KLF12: variants seen among roughly 807,000 people sequenced by gnomAD.
KLF12 encodes KLF transcription factor 12.
In KLF12, 9 loss-of-function variants were observed where a neutral mutation model predicts 37.8. That is an observed-to-expected ratio of 0.24 (90% CI 0.14 to 0.42). KLF12 has a LOEUF of 0.42. KLF12 is among the 10% of genes least tolerant of loss of function. KLF12 has a pLI of 1.00. For synonymous variants in KLF12, 208 were observed against 202.1 expected (o/e 1.03, Z -0.25); for missense variants, 411 against 516.0 (o/e 0.80, Z 1.97).
intron 2 of KLF12, among the ~76,000 whole-genome samples, chr13:73,970,440 C>A (rs563071221): frequency 2.6e-5 from 4 of 151,918 alleles, no homozygotes; most frequent in Non-Finnish European, 5.9e-5. Context: ...TACCTCAGAT[C>A]CGACATAGCT....
At chr13:73,781,982 A>G (rs1336174403) in intron 5 of KLF12, among the ~76,000 whole-genome samples, 1 of 152,230 alleles carries the variant, frequency 6.6e-6, no homozygotes, top group Non-Finnish European at 1.5e-5. Context: ...AAAAATAGTA[A>G]TTAATGAATC....
At chr13:73,988,043 T>C (rs1891874677) in intron 2 of KLF12, among the ~76,000 whole-genome samples, 1 of 152,224 alleles carries the variant, frequency 6.6e-6, no homozygotes, top group South Asian at 2.1e-4. Flanking sequence ...TCTGCTTCCA[T>C]GGCACAGCAG....
intron 1 of KLF12, among the ~76,000 whole-genome samples, chr13:74,073,805 T>A (rs1427293037): frequency 1.3e-5 from 2 of 152,214 alleles, no homozygotes; most frequent in African/African-American, 2.4e-5. Context: ...CTGAATTTAC[T>A]TTTGAAAATA....
chr13:74,285,381 G>A, the KLF12 span, among the ~76,000 whole-genome samples: 1 of 152,054 alleles, frequency 6.6e-6, no homozygotes, highest in African/African-American at 2.4e-5. Flanking sequence ...TTAGAAAATA[G>A]GCCTGTAGAC....
At chr13:74,060,161 G>C (rs1873489421) in intron 1 of KLF12, among the ~76,000 whole-genome samples, 1 of 152,216 alleles carries the variant, frequency 6.6e-6, no homozygotes, top group South Asian at 2.1e-4. Flanking sequence ...AGTTACTATA[G>C]CTTTGTAGTA....
In KLF12 at chr13:73,719,567, G is replaced by A. The variant is rs544020908; in HGVS notation, c.870-4042C>T. 9.2e-5 allele frequency among the ~76,000 whole-genome samples: 14 copies of A among 151,432 alleles called. No homozygotes were observed. In the South Asian group the frequency reaches 2.7e-3, roughly 29 times the overall value. On this transcript the variant is annotated intron_variant, in intron 6 of 7. Transcript: ENST00000377669. ...TTGATTCCAAGTCTTCAGACAATGGGCACTCAATTCCACACTCCTACGCCC... is the reference window on the plus strand; with the variant it reads ...TTGATTCCAAGTCTTCAGACAATGGACACTCAATTCCACACTCCTACGCCC...
At chr13:73,717,000 C>T (rs1384670203) in intron 6 of KLF12, among the ~76,000 whole-genome samples, 3 of 152,074 alleles carry the variant, frequency 2.0e-5, no homozygotes, top group Non-Finnish European at 2.9e-5. Flanking sequence ...TAACTTAGAT[C>T]GGGGGTCAGT....
chr13:73,968,510 C>T (rs1371564331), intron 2 of KLF12, among the ~76,000 whole-genome samples: 1 of 152,034 alleles, frequency 6.6e-6, no homozygotes, highest in Non-Finnish European at 1.5e-5. Context: ...TATTTCAAGC[C>T]ACCGAAGAAG....
the KLF12 span, among the ~76,000 whole-genome samples, chr13:74,189,634 C>T: frequency 6.6e-6 from 1 of 152,158 alleles, no homozygotes; most frequent in Non-Finnish European, 1.5e-5. Context: ...TGCCTTTCAC[C>T]TCACTCTCCA....
intron 4 of KLF12, among the ~76,000 whole-genome samples, chr13:73,840,724 T>C (rs1287752377): frequency 6.6e-6 from 1 of 152,188 alleles, no homozygotes; most frequent in African/African-American, 2.4e-5. Context: ...GTCACCCTCC[T>C]GTTCATTCTG....
At chr13:73,969,550 C>A (rs1416349704) in intron 2 of KLF12, among the ~76,000 whole-genome samples, 1 of 152,166 alleles carries the variant, frequency 6.6e-6, no homozygotes, top group Admixed American at 6.5e-5. Flanking sequence ...CCTTCAAGCC[C>A]TCATTCAAGT....
intron 1 of KLF12, among the ~76,000 whole-genome samples, chr13:74,016,417 T>C (rs985255440): frequency 5.9e-5 from 9 of 152,172 alleles, no homozygotes; most frequent in Non-Finnish European, 1.3e-4. Flanking sequence ...TGGAGTGCAA[T>C]GGCATGTGAT....
intron 2 of KLF12, among the ~76,000 whole-genome samples, chr13:73,961,432 G>C (rs1449249096): frequency 6.6e-6 from 1 of 152,058 alleles, no homozygotes; most frequent in Non-Finnish European, 1.5e-5. Context: ...GGCAAATACA[G>C]TCCCGAAATT....
chr13:74,042,465 C>T (rs1258824199), intron 1 of KLF12, among the ~76,000 whole-genome samples: 2 of 152,048 alleles, frequency 1.3e-5, no homozygotes, highest in African/African-American at 4.8e-5. Flanking sequence ...ATGTTTTTAC[C>T]GTAACAAAGA....
the KLF12 span, among the ~76,000 whole-genome samples, chr13:74,231,196 C>T: frequency 6.8e-6 from 1 of 147,542 alleles, no homozygotes; most frequent in African/African-American, 2.6e-5. Flanking sequence ...AGGTCAGGGA[C>T]CATGTCATTT....
At chr13:74,047,603 A>T (rs1241350575) in intron 1 of KLF12, among the ~76,000 whole-genome samples, 1 of 15,314 alleles carries the variant, frequency 6.5e-5, no homozygotes. Context: ...TCTCAAATAA[A>T]AAAAAAAAAA....
intron 1 of KLF12, among the ~76,000 whole-genome samples, chr13:74,123,209 T>C (rs143584784): frequency 2.0e-5 from 3 of 152,024 alleles, no homozygotes; most frequent in African/African-American, 7.2e-5. Flanking sequence ...TAAAATGAAA[T>C]GCGTTTAAAA....
At chr13:73,840,685 C>A (rs1222296635) in intron 4 of KLF12, among the ~76,000 whole-genome samples, 9 of 152,142 alleles carry the variant, frequency 5.9e-5, no homozygotes, top group African/African-American at 2.2e-4. Context: ...AGTGGTTCAA[C>A]GATTTTTGTA....
the KLF12 span, among the ~76,000 whole-genome samples, chr13:74,154,516 G>C: frequency 6.6e-6 from 1 of 152,156 alleles, no homozygotes; most frequent in African/African-American, 2.4e-5. Context: ...GATCACCAGG[G>C]TTTTCCCAGG....
Sources: allele counts gnomAD v4.1 joint callset (sites outside exome capture counted in the v4.1 genomes callset), GRCh38; gene constraint gnomAD v4.1.1; transcripts MANE v1.5; gene names NCBI Gene and HGNC (gene_info 2026-07-23, HGNC 2026-07-21).